The following SNTG2 variants were observed in gnomAD, a reference collection of about 807,000 sequenced individuals.
SNTG2 encodes the protein syntrophin gamma 2.
In SNTG2, 74 loss-of-function variants were observed where a neutral mutation model predicts 70.9. The observed-to-expected ratio is 1.04, with a 90% CI of 0.86 to 1.27. The LOEUF (loss-of-function observed/expected upper bound fraction) is 1.27, where lower values mean the gene tolerates loss of function less well. Ranked by LOEUF, SNTG2 falls within the 50% of genes most tolerant of loss-of-function variation. The pLI is 0.00. For missense variants in SNTG2, 717 were observed against 690.7 expected (o/e 1.04, Z -0.43); for synonymous variants, 278 against 273.8 (o/e 1.02, Z -0.15).
intron 1 of SNTG2, among the ~76,000 whole-genome samples, chr2:1,032,370 A>G (rs981728359): frequency 6.6e-6 from 1 of 152,168 alleles, no homozygotes; most frequent in African/African-American, 2.4e-5. Flanking sequence ...TGAAAACGAA[A>G]CTACACACAC....
At chr2:1,035,710 C>T (rs1333437491) in intron 1 of SNTG2, among the ~76,000 whole-genome samples, 2 of 152,150 alleles carry the variant, frequency 1.3e-5, no homozygotes, top group Admixed American at 6.5e-5. Flanking sequence ...TAAATGGGCA[C>T]GATCCTCCTT....
chr2:1,014,541 G>C (rs544148305), intron 1 of SNTG2, among the ~76,000 whole-genome samples: 3 of 87,372 alleles, frequency 3.4e-5, no homozygotes, highest in Non-Finnish European at 5.2e-5. Context: ...TCTGGAGAAG[G>C]ATTTATATGG....
intron 1 of SNTG2, among the ~76,000 whole-genome samples, chr2:993,331 C>T (rs1661568106): frequency 6.7e-6 from 1 of 150,222 alleles, no homozygotes; most frequent in Non-Finnish European, 1.5e-5. Context: ...AAGTTCCATG[C>T]ACATTATAGT....
chr2:1,359,479 T>C (rs914651973), intron 16 of SNTG2, among the ~76,000 whole-genome samples: 2 of 152,182 alleles, frequency 1.3e-5, no homozygotes, highest in African/African-American at 4.8e-5. Flanking sequence ...TTCTATTTTG[T>C]CTAAGTACAG....
At chr2:1,042,440 A>C (rs907891224) in intron 1 of SNTG2, among the ~76,000 whole-genome samples, 12 of 151,984 alleles carry the variant, frequency 7.9e-5, no homozygotes, top group Non-Finnish European at 1.5e-4. Context: ...GTTTTGTGTC[A>C]TGGGGGTTTG....
intron 16 of SNTG2, among the ~76,000 whole-genome samples, chr2:1,331,832 C>T (rs191139686): frequency 6.6e-6 from 1 of 152,328 alleles, no homozygotes; most frequent in East Asian, 1.9e-4. Context: ...GCTTTAAGAT[C>T]TCTCATTGCA....
intron 8 of SNTG2, among the ~76,000 whole-genome samples, chr2:1,183,553 AT>A (rs1672063899): frequency 1.3e-5 from 2 of 152,194 alleles, no homozygotes; most frequent in Admixed American, 1.3e-4. Flanking sequence ...CAGATAGAGA[AT>A]AGTATTTCTT....
At chr2:1,150,300 A>T (rs1669394356) in intron 6 of SNTG2, among the ~76,000 whole-genome samples, 1 of 152,144 alleles carries the variant, frequency 6.6e-6, no homozygotes, top group Non-Finnish European at 1.5e-5. Flanking sequence ...CAAGCATCTT[A>T]CTTTGTATCT....
At chr2:1,034,874 G>A (rs1661046723) in intron 1 of SNTG2, among the ~76,000 whole-genome samples, 1 of 152,170 alleles carries the variant, frequency 6.6e-6, no homozygotes, top group African/African-American at 2.4e-5. Flanking sequence ...TGGATCTGAT[G>A]GACCTCTAAA....
chr2:1,171,192 CTA>C (rs1183157033), intron 7 of SNTG2, among the ~76,000 whole-genome samples: 2 of 152,092 alleles, frequency 1.3e-5, no homozygotes, highest in African/African-American at 2.4e-5. Flanking sequence ...AAAGATATAA[CTA>C]TTCACATTTC....
intron 1 of SNTG2, among the ~76,000 whole-genome samples, chr2:975,074 CG>C (rs1408538931): frequency 6.6e-6 from 1 of 152,032 alleles, no homozygotes; most frequent in Non-Finnish European, 1.5e-5. Flanking sequence ...AAACAACATG[CG>C]CTTGCACCCA....
At chr2:1,175,372 C>T (rs185177525) in intron 8 of SNTG2, among the ~76,000 whole-genome samples, 2 of 152,168 alleles carry the variant, frequency 1.3e-5, no homozygotes, top group Non-Finnish European at 2.9e-5. Context: ...GTAGGCCTTG[C>T]CCTCTTGCCA....
intron 1 of SNTG2, among the ~76,000 whole-genome samples, chr2:1,079,149 G>A (rs1003249945): frequency 1.3e-5 from 2 of 152,182 alleles, no homozygotes; most frequent in African/African-American, 4.8e-5. Context: ...AGGACCCAGC[G>A]GAACCCGCGT....
intron 12 of SNTG2, among the ~76,000 whole-genome samples, chr2:1,255,028 G>T (rs1310770801): frequency 6.6e-6 from 1 of 152,184 alleles, no homozygotes; most frequent in Non-Finnish European, 1.5e-5. Flanking sequence ...TTAGCAGAGG[G>T]TTTCCCCTCT....
chr2:1,198,204 C>T (rs1375952226), intron 8 of SNTG2, among the ~76,000 whole-genome samples: 1 of 151,992 alleles, frequency 6.6e-6, no homozygotes, highest in South Asian at 2.1e-4. Flanking sequence ...ACCTTAGAAA[C>T]TATACCTATA....
At chr2:1,267,059 C>T (rs1359382704) in intron 13 of SNTG2, among the ~76,000 whole-genome samples, 3 of 152,182 alleles carry the variant, frequency 2.0e-5, no homozygotes, top group African/African-American at 7.2e-5. Context: ...GCGTGAGCCA[C>T]CACACCCAGC....
chr2:1,249,135 T>A (rs913678568), intron 12 of SNTG2, among the ~76,000 whole-genome samples: 2 of 152,186 alleles, frequency 1.3e-5, no homozygotes, highest in Non-Finnish European at 2.9e-5. Flanking sequence ...ATTATATAAT[T>A]TGATTCTTGA....
intron 1 of SNTG2, among the ~76,000 whole-genome samples, chr2:1,082,856 A>G (rs1402300670): frequency 6.6e-6 from 1 of 152,146 alleles, no homozygotes; most frequent in Non-Finnish European, 1.5e-5. Context: ...TCTTTCCTTC[A>G]TCTGCTGACA....
At chr2:1,273,648 TATAA>T (rs916287595) in intron 14 of SNTG2, among the ~76,000 whole-genome samples, 2 of 149,798 alleles carry the variant, frequency 1.3e-5, no homozygotes, top group African/African-American at 4.9e-5. Context: ...TATATATATA[TATAA>T]GTATAAACTC....
Sources: allele counts gnomAD v4.1 joint callset (sites outside exome capture counted in the v4.1 genomes callset), GRCh38; gene constraint gnomAD v4.1.1; transcripts MANE v1.5; gene names NCBI Gene and HGNC (gene_info 2026-07-23, HGNC 2026-07-21).